The following PDE4B variants were observed in gnomAD, a reference collection of about 807,000 sequenced individuals.
PDE4B encodes phosphodiesterase 4B.
Under a neutral mutation model 82.2 loss-of-function variants are expected in PDE4B, and 20 were observed. That is an observed-to-expected ratio of 0.24 (90% CI 0.17 to 0.35). PDE4B has a LOEUF of 0.35. Among genes scored for constraint, PDE4B ranks in the 10% least tolerant of loss-of-function variants. PDE4B has a pLI of 1.00. For synonymous variants in PDE4B, 320 were observed against 318.9 expected (o/e 1.00, Z -0.04); for missense variants, 655 against 907.2 (o/e 0.72, Z 3.57).
At chr1:66,278,158 G>T (rs572413014) in intron 7 of PDE4B, among the ~76,000 whole-genome samples, 19 of 152,254 alleles carry the variant, frequency 1.2e-4, no homozygotes, top group Admixed American at 2.0e-4. Flanking sequence ...ACTGAAAAAA[G>T]AATGAACAAG....
At chr1:65,827,689 C>T (rs1250684877) in intron 1 of PDE4B, among the ~76,000 whole-genome samples, 1 of 151,820 alleles carries the variant, frequency 6.6e-6, no homozygotes, top group Non-Finnish European at 1.5e-5. Flanking sequence ...AACTGGAATC[C>T]TAGGAGGAGA....
intron 10 of PDE4B, 128 bp from the exon 11 acceptor site, chr1:66,363,040 C>T (rs1662925954): frequency 4.8e-6 from 3 of 622,420 alleles, no homozygotes; most frequent in Non-Finnish European, 8.6e-6. Flanking sequence ...GATTTTCACA[C>T]AACTAAAGCA....
At chr1:66,184,989 C>G (rs937863415) in intron 3 of PDE4B, among the ~76,000 whole-genome samples, 4 of 152,112 alleles carry the variant, frequency 2.6e-5, no homozygotes, top group Non-Finnish European at 2.9e-5. Flanking sequence ...TCCCTCCCCC[C>G]TCCTCCCACC....
chr1:66,242,533 A>G (rs780066773), intron 3 of PDE4B, among the ~76,000 whole-genome samples: 7 of 152,192 alleles, frequency 4.6e-5, no homozygotes, highest in Non-Finnish European at 1.0e-4. Flanking sequence ...TGGTTCAGAA[A>G]TGAATTATTC....
At chr1:65,821,727 C>T (rs907720985) in intron 1 of PDE4B, among the ~76,000 whole-genome samples, 2 of 152,130 alleles carry the variant, frequency 1.3e-5, no homozygotes, top group African/African-American at 4.8e-5. Context: ...ATTGATCTGC[C>T]AATTTTGCCT....
At chr1:66,239,334 T>C (rs1652701743) in intron 3 of PDE4B, among the ~76,000 whole-genome samples, 2 of 152,104 alleles carry the variant, frequency 1.3e-5, no homozygotes, top group East Asian at 3.9e-4. Flanking sequence ...CTTTATAATG[T>C]CTACATACAG....
intron 7 of PDE4B, among the ~76,000 whole-genome samples, chr1:66,327,199 TG>T (rs1659802403): frequency 1.3e-5 from 2 of 152,176 alleles, no homozygotes; most frequent in East Asian, 3.8e-4. Flanking sequence ...TCTACTAGAT[TG>T]GCATTTAAAA....
chr1:66,294,509 C>T (rs56163035), intron 7 of PDE4B, among the ~76,000 whole-genome samples: 10,204 of 152,122 alleles, frequency 0.067, 473 homozygotes, highest in South Asian at 0.15. Flanking sequence ...CTTCGTAGCC[C>T]AAATTAGCCA....
At chr1:66,188,744 G>A (rs1363891663) in intron 3 of PDE4B, among the ~76,000 whole-genome samples, 3 of 151,752 alleles carry the variant, frequency 2.0e-5, no homozygotes, top group African/African-American at 7.2e-5. Flanking sequence ...ACATGAGATG[G>A]GTTTCCTGAA....
intron 3 of PDE4B, among the ~76,000 whole-genome samples, chr1:66,026,244 T>G (rs1653425717): frequency 6.6e-6 from 1 of 152,198 alleles, no homozygotes; most frequent in African/African-American, 2.4e-5. Flanking sequence ...TGCCTACACT[T>G]TCAGCTTTGA....
intron 3 of PDE4B, among the ~76,000 whole-genome samples, chr1:65,966,994 A>G (rs1649870441): frequency 6.6e-6 from 1 of 152,216 alleles, no homozygotes; most frequent in Non-Finnish European, 1.5e-5. Flanking sequence ...CTTCATGACT[A>G]AAACACCAAA....
chr1:66,088,676 A>G (rs1029480322), intron 3 of PDE4B, among the ~76,000 whole-genome samples: 1 of 152,090 alleles, frequency 6.6e-6, no homozygotes, highest in African/African-American at 2.4e-5. Flanking sequence ...TGAATATTCA[A>G]CAAAGAAGTG....
At chr1:65,914,385 T>G (rs139610991) in intron 2 of PDE4B, among the ~76,000 whole-genome samples, 1,783 of 152,172 alleles carry the variant, frequency 0.012, 22 homozygotes, top group South Asian at 0.022. Flanking sequence ...CCTTTTCCAT[T>G]GCCATTTCTA....
At chr1:65,948,674 C>G (rs147495301) in intron 3 of PDE4B, among the ~76,000 whole-genome samples, 4 of 152,022 alleles carry the variant, frequency 2.6e-5, no homozygotes, top group Non-Finnish European at 5.9e-5. Context: ...TCCTTCAATC[C>G]GATCAAGTTG....
At chr1:65,845,268 C>G (rs1436389362) in intron 1 of PDE4B, among the ~76,000 whole-genome samples, 1 of 152,132 alleles carries the variant, frequency 6.6e-6, no homozygotes, top group Non-Finnish European at 1.5e-5. Flanking sequence ...GAGAAATATA[C>G]ACTCATTGCA....
intron 3 of PDE4B, among the ~76,000 whole-genome samples, chr1:66,038,753 T>C (rs975937236): frequency 1.3e-5 from 2 of 152,024 alleles, no homozygotes. Context: ...CAATAGATTG[T>C]TGAGCGATTG....
At chr1:66,254,785 C>T (rs1395232013) in intron 4 of PDE4B, among the ~76,000 whole-genome samples, 1 of 152,168 alleles carries the variant, frequency 6.6e-6, no homozygotes, top group Non-Finnish European at 1.5e-5. Flanking sequence ...TTCTGCAAAA[C>T]CTCTGGGCTC....
chr1:66,368,029 C>T lies in PDE4B; in HGVS notation c.1626C>T (p.Gly542=), dbSNP rs547589715. The T allele has an allele frequency of 1.7e-5, 28 of 1,613,802 alleles. No individual in the cohort carries two copies. Among genetic ancestry groups the T allele is most frequent in the East Asian group, 2.2e-5 (1 of 44,860 alleles). The change falls in exon 15 of 17, where the codon GGC becomes GGT. Residue 542 remains glycine (G), a synonymous_variant. Coordinates refer to ENST00000341517, the MANE Select transcript of PDE4B (RefSeq NM_002600.4). ...AAACGAAGAAAGTTACAAGTTCAGG[C>T]GTTCTTCTCCTAGACAACTATACCG... ...MVETKKVTSS[G]VLLLDNYTDR... is the part of the protein sequence containing the mutation.
At position 65,826,162 on chromosome 1, in the gene PDE4B, A is replaced by G. The variant is rs567096421; in HGVS notation, c.-71+32914A>G. On this transcript the variant is annotated intron_variant, in intron 1 of 16. Transcript: ENST00000341517. Reference sequence around the variant, plus strand: ...TGAAACTTATTGGAAAAGCTGGCTTATGGGAACTAGGTGTATCCATAAATC... The same window carrying G: ...TGAAACTTATTGGAAAAGCTGGCTTGTGGGAACTAGGTGTATCCATAAATC... Among the ~76,000 whole-genome samples the G allele has an allele frequency of 2.0e-5, 3 of 152,306 alleles. No individual in the cohort carries two copies. The South Asian group carries it at 6.2e-4, about 32-fold the overall frequency.
Sources: allele counts gnomAD v4.1 joint callset (sites outside exome capture counted in the v4.1 genomes callset), GRCh38; gene constraint gnomAD v4.1.1; transcripts MANE v1.5; gene names NCBI Gene and HGNC (gene_info 2026-07-23, HGNC 2026-07-21).